The following CCDC83 variants were observed in gnomAD, a reference collection of about 807,000 sequenced individuals.
CCDC83 encodes the protein coiled-coil domain containing 83.
In CCDC83, 54 loss-of-function variants were observed where a neutral mutation model predicts 50.1. The ratio of observed to expected loss-of-function variants is 1.08; its 90% CI spans 0.87 to 1.35. The LOEUF is 1.35. CCDC83 is among the 40% of genes most tolerant of loss of function. The pLI is 0.00. For missense variants in CCDC83, 518 were observed against 473.9 expected, an observed-to-expected ratio of 1.09 and a Z score of -0.86; for synonymous variants, 161 against 153.3, an observed-to-expected ratio of 1.05 and a Z score of -0.37.
chr11:85,891,327 T>A (rs1049517485), intron 5 of CCDC83, among the ~76,000 whole-genome samples: 4 of 152,234 alleles, frequency 2.6e-5, no homozygotes, highest in African/African-American at 9.6e-5. Context: ...CAGCCTCTGC[T>A]GAAACCCAGG....
intron 7 of CCDC83, among the ~76,000 whole-genome samples, chr11:85,900,582 C>T (rs2093396725): frequency 6.6e-6 from 1 of 152,304 alleles, no homozygotes; most frequent in African/African-American, 2.4e-5. Flanking sequence ...ATCCATGCCA[C>T]TCCCCAGACT....
intron 1 of CCDC83, among the ~76,000 whole-genome samples, chr11:85,859,007 A>T (rs2093159131): frequency 6.6e-6 from 1 of 152,102 alleles, no homozygotes; most frequent in Admixed American, 6.6e-5. Context: ...GGGCCATAAA[A>T]ACATAAAAGC....
chr11:85,889,547 A>T (rs1390651119), intron 5 of CCDC83, among the ~76,000 whole-genome samples: 1 of 152,222 alleles, frequency 6.6e-6, no homozygotes, highest in African/African-American at 2.4e-5. Context: ...TTAACCATCC[A>T]GGTAGCAGCA....
chr11:85,863,033 A>G (rs530982183), intron 1 of CCDC83, among the ~76,000 whole-genome samples: 20 of 152,346 alleles, frequency 1.3e-4, no homozygotes, highest in African/African-American at 4.6e-4. Context: ...CATAAAAGCC[A>G]GGTAACTAAG....
Position 85,898,990 on chromosome 11 carries a change from G to A in CCDC83, c.647G>A (p.Trp216Ter). Residue 216 changes from tryptophan (W) to a stop codon, truncating the protein, a stop_gained, in exon 7 of 11, where the codon TGG becomes TAG. Coordinates refer to ENST00000342404, the MANE Select transcript of CCDC83 (RefSeq NM_001286159.2). LOFTEE classifies it high-confidence loss of function. The stretch of plus-strand genomic sequence containing the variant: ...GACAAGGGCAGTTATCTAGAGATCT[G>A]GGAGAATGACTGGCTCAAAAAAGAG... ...LIDKGSYLEI[W>*]ENDWLKKEVA... 1 of 1,611,694 alleles carries A rather than the reference G, an allele frequency of 6.2e-7. No homozygotes were observed. The highest frequency in any genetic ancestry group is 8.5e-7 in the Non-Finnish European group (1 of 1,178,494).
At chr11:85,913,381 G>A (rs575308388) in intron 8 of CCDC83, among the ~76,000 whole-genome samples, 1 of 152,260 alleles carries the variant, frequency 6.6e-6, no homozygotes, top group African/African-American at 2.4e-5. Context: ...AAAGAAACTG[G>A]AAAATTTGAA....
chr11:85,861,261 G>C (rs937151863), intron 1 of CCDC83, among the ~76,000 whole-genome samples: 1 of 152,224 alleles, frequency 6.6e-6, no homozygotes, highest in African/African-American at 2.4e-5. Flanking sequence ...TGCCTTCTAA[G>C]TTAGATTGCT....
chr11:85,903,062 A>G (rs932604684), intron 7 of CCDC83, among the ~76,000 whole-genome samples: 1 of 151,696 alleles, frequency 6.6e-6, no homozygotes, highest in African/African-American at 2.4e-5. Flanking sequence ...TGAAACCCCC[A>G]TCTCTACTAA....
chr11:85,895,300 T>C lies in CCDC83; in HGVS notation c.519T>C (p.Tyr173=), dbSNP rs771560392. The C allele has an allele frequency of 3.4e-6, 2 of 591,724 alleles. No homozygotes were observed. The highest frequency in any genetic ancestry group is 5.4e-6 in the Non-Finnish European group (2 of 372,086). 36.7% of individuals were successfully genotyped at this position (591,724 alleles called of 1,614,324 possible). The change falls in exon 6 of 11, where the codon TAT becomes TAC. Residue 173 remains tyrosine, a synonymous_variant. Coordinates refer to ENST00000342404, the MANE Select transcript of CCDC83 (RefSeq NM_001286159.2). ...KENAEKMSEH[Y]KITLEDTRKK... ...TTTTTTTTTTTTTTAAAGAACACTA[T>C]AAAATCACTCTGGAAGATACTAGAA...
intron 3 of CCDC83, among the ~76,000 whole-genome samples, chr11:85,877,463 C>G (rs759783743): frequency 4.6e-5 from 7 of 152,080 alleles, no homozygotes; most frequent in Non-Finnish European, 1.0e-4. Flanking sequence ...AGACTAAGAT[C>G]CTGTCTCTAA....
intron 5 of CCDC83, among the ~76,000 whole-genome samples, chr11:85,892,093 G>A (rs2093352981): frequency 6.6e-6 from 1 of 152,200 alleles, no homozygotes; most frequent in African/African-American, 2.4e-5. Flanking sequence ...AGTCAGAGAA[G>A]AGTATATAAT....
At chr11:85,917,065 T>C (rs1592205565) in intron 10 of CCDC83, among the ~76,000 whole-genome samples, 1 of 148,336 alleles carries the variant, frequency 6.7e-6, no homozygotes, top group East Asian at 2.0e-4. Context: ...GAGCAGAGAC[T>C]GTATCATTGC....
intron 1 of CCDC83, 58 bp from the exon 2 acceptor site, chr11:85,865,038 C>A: frequency 2.3e-6 from 2 of 866,434 alleles, no homozygotes; most frequent in Non-Finnish European, 3.8e-6. Flanking sequence ...CTAGAGTAAA[C>A]AAAAGTAGGG....
chr11:85,858,351 C>T (rs1465651696), intron 1 of CCDC83, among the ~76,000 whole-genome samples: 1 of 152,192 alleles, frequency 6.6e-6, no homozygotes, highest in Non-Finnish European at 1.5e-5. Flanking sequence ...CCGTGATGGC[C>T]CCTTCAAGCC....
chr11:85,898,908 A>T, intron 6 of CCDC83, 39 bp from the exon 7 acceptor site: 1 of 1,362,750 alleles, frequency 7.3e-7, no homozygotes, highest in Non-Finnish European at 1.0e-6. Flanking sequence ...GTGAATCAGC[A>T]TGTGGCAACT....
intron 8 of CCDC83, among the ~76,000 whole-genome samples, chr11:85,914,745 A>G (rs1753264439): frequency 6.6e-6 from 1 of 152,076 alleles, no homozygotes; most frequent in African/African-American, 2.4e-5. Context: ...CAGGTTCAAG[A>G]CTGTATTAGT....
intron 7 of CCDC83, among the ~76,000 whole-genome samples, chr11:85,910,471 CAGA>C (rs1274949003): frequency 6.6e-6 from 1 of 152,230 alleles, no homozygotes; most frequent in East Asian, 1.9e-4. Flanking sequence ...TAGAGGCTGA[CAGA>C]AGGACTACTA....
chr11:85,895,602 A>T (rs1463942969), intron 6 of CCDC83, among the ~76,000 whole-genome samples: 1 of 152,180 alleles, frequency 6.6e-6, no homozygotes, highest in African/African-American at 2.4e-5. Context: ...CAAACCTAAG[A>T]ACGTGGATTC....
intron 7 of CCDC83, among the ~76,000 whole-genome samples, chr11:85,903,998 T>C (rs1031110920): frequency 6.6e-6 from 1 of 151,466 alleles, no homozygotes; most frequent in Non-Finnish European, 1.5e-5. Flanking sequence ...AAAATTAAAT[T>C]TAAAAATTAA....
Sources: allele counts gnomAD v4.1 joint callset (sites outside exome capture counted in the v4.1 genomes callset), GRCh38; gene constraint gnomAD v4.1.1; transcripts MANE v1.5; gene names NCBI Gene and HGNC (gene_info 2026-07-23, HGNC 2026-07-21).